The following GTPBP6 variants were observed in gnomAD, a reference collection of about 807,000 sequenced individuals.
GTPBP6 encodes GTP binding protein 6.
Under a neutral mutation model 28.9 loss-of-function variants are expected in GTPBP6, and 33 were observed. The observed-to-expected ratio is 1.14, with a 90% CI of 0.87 to 1.53. The LOEUF is 1.53. Ranked by LOEUF, GTPBP6 falls within the 40% of genes most tolerant of loss-of-function variation. The probability of loss-of-function intolerance (pLI) is 0.00; values close to 1 mark genes in which losing one functional copy is unlikely to be tolerated. For missense variants in GTPBP6, 507 were observed against 408.3 expected (o/e 1.24, Z -2.08); for synonymous variants, 231 against 192.7 (o/e 1.20, Z -1.65).
chrX:312,209 C>T (rs1370674202), intron 6 of GTPBP6: 6 of 409,008 alleles, frequency 1.5e-5, no homozygotes, highest in Middle Eastern at 4.1e-4. Flanking sequence ...ATTATGTAGA[C>T]GGGGTGGTGG....
intron 5 of GTPBP6, 146 bp downstream of exon 5, chrX:314,004 G>T (rs1251519206): frequency 1.4e-6 from 1 of 728,958 alleles, no homozygotes; most frequent in Non-Finnish European, 2.4e-6. Flanking sequence ...AGGGCTGAGG[G>T]TCTCCTATGT....
At chrX:317,867 A>T (rs1251133363) in intron 1 of GTPBP6, among the ~76,000 whole-genome samples, 1 of 135,676 alleles carries the variant, frequency 7.4e-6, no homozygotes, top group Non-Finnish European at 1.6e-5. Context: ...CTTCCCCATA[A>T]GCCCCGCCCT....
Position 312,045 on chromosome X carries a change from G to A in GTPBP6, c.917-418C>T, listed in dbSNP as rs2070312224. ...GGATATAGATACGGCAGTGGTGCCG[G>A]TGTTGACAGAAGGATGGTGTAGACA... is the stretch of plus-strand genomic sequence containing the variant. On this transcript the variant is annotated intron_variant, in intron 6 of 9. Coordinates refer to ENST00000326153, the Ensembl canonical transcript of GTPBP6. 6.1e-5 allele frequency: 28 copies of A among 459,308 alleles called. 1 individual carries two copies. Among genetic ancestry groups the A allele is most frequent in the South Asian group, 5.1e-4 (28 of 55,328 alleles). 28.5% of individuals were successfully genotyped at this position (459,308 alleles called of 1,614,324 possible). A position where few individuals can be genotyped will look rare whatever the true frequency, so the allele number is the denominator to read the frequency against.
At chrX:317,923 C>A (rs1412732090) in intron 1 of GTPBP6, among the ~76,000 whole-genome samples, 1 of 148,800 alleles carries the variant, frequency 6.7e-6, no homozygotes, top group African/African-American at 2.5e-5. Context: ...GCACCTCCAC[C>A]TATGAGATCC....
chrX:304,975 C>T (rs2070122267), exon 10 of GTPBP6: 1 of 1,529,546 alleles, frequency 6.5e-7, no homozygotes, highest in Admixed American at 2.0e-5. Context: ...CAAGGAGGAC[C>T]CTGCTGCACC....
chrX:316,976 A>T, exon 2 of GTPBP6: 1 of 398,628 alleles, frequency 2.5e-6, no homozygotes, highest in Admixed American at 4.4e-5. Flanking sequence ...TTTGGTGGAC[A>T]CGACCATTGT....
chrX:311,535 C>A (rs752799938), exon 7 of GTPBP6: 2 of 1,612,168 alleles, frequency 1.2e-6, no homozygotes, highest in African/African-American at 2.7e-5. Context: ...GGCAGCGTGC[C>A]CGCGTGGGCC....
intron 9 of GTPBP6, 127 bp from the exon 10 acceptor site, chrX:305,324 G>T (rs868860183): frequency 0.013 from 7,984 of 600,974 alleles, 232 homozygotes; most frequent in African/African-American, 0.098. Context: ...GTTTCCTTTT[G>T]TTTTTTTTTT....
At chrX:310,917 C>T (rs28680930) in intron 7 of GTPBP6, among the ~76,000 whole-genome samples, 4,095 of 144,618 alleles carry the variant, frequency 0.028, 171 homozygotes, top group African/African-American at 0.09. Flanking sequence ...ACTGCCCGCA[C>T]GTCTGTGACA....
exon 10 of GTPBP6, chrX:304,829 G>T: frequency 7.2e-7 from 1 of 1,396,358 alleles, no homozygotes. Context: ...GGCACCGAGG[G>T]CCCACTGGAA....
Position 312,270 on chromosome X carries a change from G to T in GTPBP6, c.916+496C>A. 1.0e-5 allele frequency: 4 copies of T among 381,270 alleles called. 2 individuals are homozygous for T. Among genetic ancestry groups the T allele is most frequent in the Non-Finnish European group, 2.1e-5 (4 of 194,200 alleles). 23.6% of individuals were successfully genotyped at this position (381,270 alleles called of 1,614,324 possible). ...TAGACAGGAGGACGGTGCAGACAAA[G>T]GGAACATTGTGGTGTACACGGGTGG... On this transcript the variant is annotated intron_variant, in intron 6 of 9. Coordinates refer to ENST00000326153, the Ensembl canonical transcript of GTPBP6.
exon 9 of GTPBP6, chrX:307,428 C>T (rs777761107): frequency 1.4e-4 from 223 of 1,612,444 alleles, no homozygotes; most frequent in Non-Finnish European, 1.8e-4. Flanking sequence ...TCAAAACCGC[C>T]GCATCGAGCT....
chrX:311,490 C>T (rs2070297025), exon 7 of GTPBP6: 6 of 1,612,302 alleles, frequency 3.7e-6, no homozygotes, highest in Non-Finnish European at 4.2e-6. Flanking sequence ...GAGAGGAAGC[C>T]GATGGTGTCC....
At chrX:305,048 C>T (rs375493002) in exon 10 of GTPBP6, 2 of 1,609,596 alleles carry the variant, frequency 1.2e-6, no homozygotes, top group Non-Finnish European at 1.7e-6. Flanking sequence ...GATGCCCCCA[C>T]CCCGCAGGCC....
intron 2 of GTPBP6, 32 bp from the exon 3 acceptor site, chrX:315,331 G>T (rs1463257825): frequency 5.0e-6 from 2 of 398,424 alleles, no homozygotes; most frequent in Non-Finnish European, 8.8e-6. Context: ...GTCAGAGGCT[G>T]GCCGTCCACA....
At chrX:314,166 G>A (rs764508610) in exon 5 of GTPBP6, 1 of 1,612,710 alleles carries the variant, frequency 6.2e-7, no homozygotes. Flanking sequence ...CCATGATGTA[G>A]CGCGAGCCGA....
intron 9 of GTPBP6, among the ~76,000 whole-genome samples, 154 bp from the exon 10 acceptor site, chrX:305,351 T>C (rs1951413135): frequency 6.7e-6 from 1 of 148,186 alleles, no homozygotes; most frequent in African/African-American, 2.6e-5. Flanking sequence ...AGACGGAGTC[T>C]CACTCTGTCG....
chrX:317,553 C>T (rs1170388703), intron 1 of GTPBP6, among the ~76,000 whole-genome samples: 1 of 61,392 alleles, frequency 1.6e-5, no homozygotes, highest in Non-Finnish European at 2.8e-5. Flanking sequence ...TGCATTTCCT[C>T]CTGGGGGGTG....
intron 9 of GTPBP6, 96 bp from the exon 10 acceptor site, chrX:305,293 A>G: frequency 2.0e-6 from 2 of 995,238 alleles, no homozygotes; most frequent in Non-Finnish European, 3.2e-6. Flanking sequence ...GCTTAGCTCA[A>G]ACCATTCATC....
Sources: gnomAD v4.1 joint callset for allele counts (sites outside exome capture counted in the v4.1 genomes callset) on GRCh38, gnomAD v4.1.1 for gene constraint, MANE v1.5 for transcripts, NCBI Gene and HGNC (gene_info 2026-07-23, HGNC 2026-07-21) for gene names.